MDGA2: variants seen among roughly 807,000 people sequenced by gnomAD.
MDGA2 encodes MAM domain containing glycosylphosphatidylinositol anchor 2.
A neutral mutation model predicts 117.8 loss-of-function variants in MDGA2; 40 were observed. The observed-to-expected ratio is 0.34, with a 90% CI of 0.26 to 0.44. The LOEUF (loss-of-function observed/expected upper bound fraction) is 0.44, where lower values mean the gene tolerates loss of function less well. Among genes scored for constraint, MDGA2 ranks in the 20% least tolerant of loss-of-function variants. MDGA2 has a pLI of 1.00. For missense variants in MDGA2, 1,123 were observed against 1,250.6 expected (o/e 0.90, Z 1.54); for synonymous variants, 452 against 439.0 (o/e 1.03, Z -0.37).
At chr14:47,294,996 T>C (rs1195631982) in intron 2 of MDGA2, among the ~76,000 whole-genome samples, 1 of 152,226 alleles carries the variant, frequency 6.6e-6, no homozygotes, top group Non-Finnish European at 1.5e-5. Context: ...AAAAATGGCC[T>C]AGCCAAATTT....
intron 8 of MDGA2, among the ~76,000 whole-genome samples, chr14:46,961,574 C>T (rs1207161592): frequency 1.3e-5 from 2 of 151,864 alleles, no homozygotes; most frequent in Admixed American, 1.3e-4. Flanking sequence ...TGTATGTTTC[C>T]ACTACCTGAA....
intron 1 of MDGA2, among the ~76,000 whole-genome samples, chr14:47,615,719 G>A (rs1185058499): frequency 6.6e-6 from 1 of 152,182 alleles, no homozygotes; most frequent in African/African-American, 2.4e-5. Context: ...CAGCTTAGGT[G>A]AGAACTATTA....
chr14:46,987,591 T>C (rs1008204585), intron 8 of MDGA2, among the ~76,000 whole-genome samples: 5 of 151,944 alleles, frequency 3.3e-5, no homozygotes, highest in Non-Finnish European at 7.4e-5. Flanking sequence ...GATACGAAAA[T>C]AGAAAATCAT....
At chr14:46,914,455 CT>C (rs1225305239) in intron 10 of MDGA2, among the ~76,000 whole-genome samples, 1 of 151,780 alleles carries the variant, frequency 6.6e-6, no homozygotes, top group Non-Finnish European at 1.5e-5. Flanking sequence ...TGCTTTTTTT[CT>C]AGATATAATG....
chr14:47,300,842 C>A (rs17672024), intron 2 of MDGA2, among the ~76,000 whole-genome samples: 13,542 of 152,036 alleles, frequency 0.089, 736 homozygotes, highest in Non-Finnish European at 0.11. Context: ...TAAAAGTCTC[C>A]ATTTTTATTG....
In MDGA2 at chr14:47,464,991, T is replaced by C. The variant is rs187687285; in HGVS notation, c.281-163441A>G. 2.0e-5 allele frequency among the ~76,000 whole-genome samples: 3 copies of C among 152,120 alleles called. No homozygotes were observed. In the East Asian group the frequency reaches 5.8e-4, roughly 29 times the overall value. On this transcript the variant is annotated intron_variant, in intron 1 of 16. Transcript: ENST00000399232. Reference sequence around the variant, plus strand: ...AGTAACCAAAACAGCATGATACTGGTACAAAAACAGGCACCTACATGAATG... The same window carrying C: ...AGTAACCAAAACAGCATGATACTGGCACAAAAACAGGCACCTACATGAATG...
At chr14:47,002,619 C>T (rs1887571667) in intron 8 of MDGA2, among the ~76,000 whole-genome samples, 1 of 151,842 alleles carries the variant, frequency 6.6e-6, no homozygotes, top group Non-Finnish European at 1.5e-5. Context: ...ATCCCAGCTA[C>T]TTGGGAGGCT....
At chr14:47,406,822 TTAGAAAGAACACAAAAATCATA>T (rs2138476175) in intron 1 of MDGA2, among the ~76,000 whole-genome samples, 1 of 152,194 alleles carries the variant, frequency 6.6e-6, no homozygotes, top group African/African-American at 2.4e-5. Context: ...TTTTGTAAAG[TTAGAAAGAACACAAAAATCATA>T]TACAACCTCA....
chr14:47,150,873 G>A (rs553564561), intron 3 of MDGA2, among the ~76,000 whole-genome samples: 12 of 148,654 alleles, frequency 8.1e-5, no homozygotes, highest in South Asian at 4.3e-4. Context: ...GTAGTGAGCC[G>A]AGATTGTGCC....
At chr14:47,576,908 C>A (rs1041781436) in intron 1 of MDGA2, among the ~76,000 whole-genome samples, 1 of 151,998 alleles carries the variant, frequency 6.6e-6, no homozygotes, top group African/African-American at 2.4e-5. Flanking sequence ...GCCACTATAC[C>A]CCCCTAATTT....
intron 14 of MDGA2, among the ~76,000 whole-genome samples, chr14:46,867,920 C>A (rs1881840856): frequency 2.1e-5 from 1 of 47,024 alleles, no homozygotes; most frequent in African/African-American, 8.3e-5. Context: ...TAAACTTCAT[C>A]TTCTGTCTGT....
chr14:47,619,219 A>G (rs904161936), intron 1 of MDGA2, among the ~76,000 whole-genome samples: 19 of 152,046 alleles, frequency 1.2e-4, no homozygotes, highest in African/African-American at 4.6e-4. Context: ...GCATTGTGTT[A>G]GATACTACTA....
chr14:47,585,185 T>C (rs1263988339), intron 1 of MDGA2, among the ~76,000 whole-genome samples: 1 of 151,864 alleles, frequency 6.6e-6, no homozygotes, highest in East Asian at 1.9e-4. Context: ...GAAAATATAT[T>C]GAGTGACTAT....
intron 1 of MDGA2, among the ~76,000 whole-genome samples, chr14:47,364,854 C>G (rs1891198262): frequency 6.6e-6 from 1 of 152,066 alleles, no homozygotes; most frequent in South Asian, 2.1e-4. Flanking sequence ...GTTCATTTTC[C>G]CCCATAAACA....
At chr14:47,024,498 A>G (rs914328775) in intron 8 of MDGA2, among the ~76,000 whole-genome samples, 1 of 152,118 alleles carries the variant, frequency 6.6e-6, no homozygotes, top group Non-Finnish European at 1.5e-5. Context: ...TCTTAAATAC[A>G]TTTCAGTTTC....
At chr14:47,195,828 C>A (rs72680233) in intron 3 of MDGA2, among the ~76,000 whole-genome samples, 9,644 of 151,990 alleles carry the variant, frequency 0.063, 359 homozygotes, top group Non-Finnish European at 0.065. Flanking sequence ...CATCTGAAAA[C>A]CATGCCTAAT....
chr14:47,178,474 T>C (rs1449618366), intron 3 of MDGA2, among the ~76,000 whole-genome samples: 1 of 152,192 alleles, frequency 6.6e-6, no homozygotes, highest in Non-Finnish European at 1.5e-5. Flanking sequence ...CTCTTGGAGA[T>C]ACAAAATACC....
chr14:47,272,632 A>G (rs1009013615), intron 2 of MDGA2, among the ~76,000 whole-genome samples: 3 of 152,162 alleles, frequency 2.0e-5, no homozygotes, highest in African/African-American at 7.2e-5. Flanking sequence ...TTAATGAAGA[A>G]GAAAAGGGAA....
In MDGA2 at chr14:46,929,649, A is replaced by ATTTTTTT. The variant is rs1180832509; in HGVS notation, c.2090-9496_2090-9490dup. 1.9e-3 allele frequency among the ~76,000 whole-genome samples: 26 copies of ATTTTTTT among 13,700 alleles called. 6 individuals carry two copies. Among genetic ancestry groups the ATTTTTTT allele is most frequent in the Non-Finnish European group, 3.1e-3 (23 of 7,328 alleles). 9.0% of individuals were successfully genotyped at this position (13,700 alleles called of 152,430 possible). On this transcript the variant is annotated intron_variant, in intron 9 of 16. Transcript: ENST00000399232. ...TATATATATATATATATATATATACATTTTTTTTTTTTTTTTTTCGAGATG... is the reference window on the plus strand; with the variant it reads ...TATATATATATATATATATATATACATTTTTTTTTTTTTTTTTTTTTTTTTCGAGATG...
Sources: allele counts gnomAD v4.1 joint callset (sites outside exome capture counted in the v4.1 genomes callset), GRCh38; gene constraint gnomAD v4.1.1; transcripts MANE v1.5; gene names NCBI Gene and HGNC (gene_info 2026-07-23, HGNC 2026-07-21).